Variants in TMEM181 observed in about 807,000 individuals in gnomAD.
TMEM181 encodes G protein-coupled receptor 178.
A neutral mutation model predicts 71.9 loss-of-function variants in TMEM181; 39 were observed. The observed-to-expected ratio is 0.54, with a 90% CI of 0.42 to 0.71. The LOEUF (loss-of-function observed/expected upper bound fraction) is 0.71, where lower values mean the gene tolerates loss of function less well. Among genes scored for constraint, TMEM181 ranks in the 30% least tolerant of loss-of-function variants. TMEM181 has a pLI of 0.00. For missense variants in TMEM181, 595 were observed against 583.0 expected, an observed-to-expected ratio of 1.02 and a Z score of -0.21; for synonymous variants, 245 against 228.8, an observed-to-expected ratio of 1.07 and a Z score of -0.64.
chr6:158,618,969 T>G (rs1785787311), intron 10 of TMEM181, among the ~76,000 whole-genome samples: 1 of 152,214 alleles, frequency 6.6e-6, no homozygotes, highest in Non-Finnish European at 1.5e-5. Flanking sequence ...TTATGTGTCT[T>G]GGGGTTGCTC....
At chr6:158,590,278 T>C (rs967068894) in intron 6 of TMEM181, among the ~76,000 whole-genome samples, 9 of 152,156 alleles carry the variant, frequency 5.9e-5, no homozygotes, top group Non-Finnish European at 1.3e-4. Flanking sequence ...GCCTCCATCA[T>C]TGACTCACGT....
chr6:158,568,313 C>T (rs571384060), intron 1 of TMEM181, among the ~76,000 whole-genome samples: 13 of 147,716 alleles, frequency 8.8e-5, no homozygotes, highest in African/African-American at 3.0e-4. Flanking sequence ...TAGGTGAAAA[C>T]GTGTTGGGCA....
At chr6:158,612,848 C>T (rs967996885) in intron 10 of TMEM181, among the ~76,000 whole-genome samples, 3 of 152,212 alleles carry the variant, frequency 2.0e-5, no homozygotes, top group African/African-American at 7.2e-5. Context: ...TGCTGCAGTA[C>T]ATAGTCCTAC....
Position 158,620,773 on chromosome 6 carries a change from TC to T in TMEM181, c.897-2775del, listed in dbSNP as rs1785909420. 6.6e-6 allele frequency among the ~76,000 whole-genome samples: 1 copy of T among 152,228 alleles called. No individual in the cohort carries two copies. Among genetic ancestry groups the T allele is most frequent in the Non-Finnish European group, 1.5e-5 (1 of 68,038 alleles). On this transcript the variant is annotated intron_variant, in intron 10 of 16. Transcript: ENST00000684151. This position sits in a 1 kb window ranked among gnomAD's most constrained non-coding sequence, Gnocchi z 4.5. ...GGACAAGCTGCCGCTGCCCACTGCTTCCTGGGTTGCAAGAGAGCCTCTGTCC... is the reference window on the plus strand; with the variant it reads ...GGACAAGCTGCCGCTGCCCACTGCTTCTGGGTTGCAAGAGAGCCTCTGTCC...
At chr6:158,611,475 G>C (rs572111864) in intron 10 of TMEM181, 12 of 530,846 alleles carry the variant, frequency 2.3e-5, no homozygotes, top group African/African-American at 1.4e-4. Flanking sequence ...TTCCTCAGTC[G>C]TATCATTCTG....
chr6:158,536,964 A>G, intron 1 of TMEM181: 1 of 881,418 alleles, frequency 1.1e-6, no homozygotes, highest in Non-Finnish European at 1.4e-6. Flanking sequence ...GGTCCCGCCG[A>G]CGGCCGCCTC....
chr6:158,590,778 G>A (rs935966399), intron 6 of TMEM181, among the ~76,000 whole-genome samples: 1 of 152,198 alleles, frequency 6.6e-6, no homozygotes, highest in Non-Finnish European at 1.5e-5. Context: ...GTGGTTTTTA[G>A]CACAGTCGTG....
chr6:158,567,434 G>T (rs1406902081), intron 1 of TMEM181, among the ~76,000 whole-genome samples: 2 of 152,224 alleles, frequency 1.3e-5, no homozygotes, highest in Non-Finnish European at 2.9e-5. Context: ...GTGCCAAGCC[G>T]TTCGCCGTCA....
At chr6:158,594,644 A>C (rs1358049035) in intron 6 of TMEM181, among the ~76,000 whole-genome samples, 1 of 152,232 alleles carries the variant, frequency 6.6e-6, no homozygotes, top group Non-Finnish European at 1.5e-5. Context: ...TACTATAAAC[A>C]TCTGTATACA....
intron 1 of TMEM181, chr6:158,572,500 G>A (rs775838098): frequency 1.1e-4 from 51 of 456,366 alleles, no homozygotes; most frequent in Non-Finnish European, 1.8e-4. Context: ...GGCACAGGGC[G>A]GGGGCCGGCC....
rs182655595 is a variant in TMEM181 at position 158,631,719 on chromosome 6, T to A, written c.1350-91T>A. On this transcript the variant is annotated intron_variant, in intron 16 of 16. Transcript: ENST00000684151. ...AAAATTGAAAGAGCGAAGCTATGAT[T>A]TAATTCCTGCTGGAATGGTGTGTCA... is the stretch of plus-strand genomic sequence containing the variant. The A allele has an allele frequency of 5.5e-4, 762 of 1,388,876 alleles. 8 individuals are homozygous for A. The African/African-American group carries it at 8.8e-3, about 16-fold the overall frequency. 86.0% of individuals were successfully genotyped at this position (1,388,876 alleles called of 1,614,324 possible).
At chr6:158,542,172 G>T (rs1035672722) in intron 1 of TMEM181, among the ~76,000 whole-genome samples, 7 of 152,114 alleles carry the variant, frequency 4.6e-5, no homozygotes, top group Admixed American at 2.0e-4. Flanking sequence ...CTCCCAAATT[G>T]CAGGGATTAC....
Position 158,589,236 on chromosome 6 carries a change from G to A in TMEM181, c.382-436G>A, listed in dbSNP as rs950581315. Among the ~76,000 whole-genome samples the A allele has an allele frequency of 1.6e-4, 25 of 152,300 alleles. No individual in the cohort carries two copies. The South Asian group carries it at 5.2e-3, about 32-fold the overall frequency. On this transcript the variant is annotated intron_variant, in intron 5 of 16. Transcript: ENST00000684151. Reference sequence around the variant, plus strand: ...GAGTGACAGGTTAAAAGGAGAGAAAGAAGAATGTGTAATTCACTCTGTTCA... The same window carrying A: ...GAGTGACAGGTTAAAAGGAGAGAAAAAAGAATGTGTAATTCACTCTGTTCA...
At chr6:158,571,338 C>A (rs191929853) in intron 1 of TMEM181, among the ~76,000 whole-genome samples, 3 of 147,640 alleles carry the variant, frequency 2.0e-5, no homozygotes, top group African/African-American at 7.7e-5. Context: ...CCTTGTGATC[C>A]GCCCACCTTG....
At position 158,607,267 on chromosome 6, in the gene TMEM181, G is replaced by T. The variant is rs753560777; in HGVS notation, c.597G>T (p.Arg199=). 1 of 1,614,228 alleles carries T rather than the reference G, an allele frequency of 6.2e-7. No individual in the cohort carries two copies. Among genetic ancestry groups the T allele is most frequent in the Non-Finnish European group, 8.5e-7 (1 of 1,180,038 alleles). Residue 199 remains arginine, a synonymous_variant, in exon 8 of 17, where the codon CGG becomes CGT. Transcript: ENST00000684151. The stretch of plus-strand genomic sequence containing the variant: ...AGTGCCTGTTTGCGCATTCCCTCCG[G>T]AAATTTTCCATGAGAGACTGGGGCA... ...IVTCLFAHSL[R]KFSMRDWGIE...
upstream of TMEM181, among the ~76,000 whole-genome samples, chr6:158,556,179 G>A (rs151196550): frequency 1.2e-3 from 188 of 152,230 alleles, no homozygotes; most frequent in African/African-American, 4.3e-3. Flanking sequence ...TAACCAAAAC[G>A]AATCCAGAAT....
chr6:158,617,131 T>C (rs1309591437), intron 10 of TMEM181, among the ~76,000 whole-genome samples: 1 of 152,210 alleles, frequency 6.6e-6, no homozygotes. Flanking sequence ...TTTTCGTTGG[T>C]AAGCTATTAA....
At chr6:158,630,236 C>T (rs150317238) in intron 15 of TMEM181, among the ~76,000 whole-genome samples, 48 of 152,210 alleles carry the variant, frequency 3.2e-4, no homozygotes, top group Non-Finnish European at 4.1e-4. Flanking sequence ...GGCTTTGATC[C>T]TTTGATCCCA....
At chr6:158,582,602 C>T (rs566580637) in intron 3 of TMEM181, among the ~76,000 whole-genome samples, 1 of 151,804 alleles carries the variant, frequency 6.6e-6, no homozygotes, top group East Asian at 2.0e-4. Flanking sequence ...GAGGTTGATG[C>T]TGCGGTAAGC....
Sources: allele counts gnomAD v4.1 joint callset (sites outside exome capture counted in the v4.1 genomes callset), GRCh38; gene constraint gnomAD v4.1.1; non-coding constraint Gnocchi (gnomAD v3.1); transcripts MANE v1.5; gene names NCBI Gene and HGNC (gene_info 2026-07-23, HGNC 2026-07-21).